HSD17B4: variants seen among roughly 807,000 people sequenced by gnomAD.
The protein encoded by HSD17B4 is hydroxysteroid 17-beta dehydrogenase 4.
In HSD17B4, 70 loss-of-function variants were observed where a neutral mutation model predicts 101.0. That is an observed-to-expected ratio of 0.69 (90% confidence interval 0.57 to 0.85). HSD17B4 has a LOEUF of 0.85. Ranked by LOEUF, HSD17B4 falls within the 40% of genes least tolerant of loss-of-function variation. The pLI, the probability that HSD17B4 is intolerant of heterozygous loss-of-function variation, is 0.00. For missense variants in HSD17B4, 984 were observed against 892.4 expected, an observed-to-expected ratio of 1.10 and a Z score of -1.31; for synonymous variants, 347 against 297.1, an observed-to-expected ratio of 1.17 and a Z score of -1.73.
At chr5:119,516,944 C>G (rs1752662249) in intron 17 of HSD17B4, among the ~76,000 whole-genome samples, 1 of 152,248 alleles carries the variant, frequency 6.6e-6, no homozygotes, top group Admixed American at 6.5e-5. Flanking sequence ...AGCGTGCTGG[C>G]AGTCCTCACA....
At position 119,457,300 on chromosome 5, in the gene HSD17B4, A is replaced by G. The variant is rs547880641; in HGVS notation, c.112+932A>G. Among the ~76,000 whole-genome samples the G allele has an allele frequency of 1.2e-4, 18 of 152,364 alleles. No homozygotes were observed. In the East Asian group the frequency reaches 3.3e-3, roughly 28 times the overall value. ...GATCTTCTAATTTCAGCTTTCTGAC[A>G]TCTTAACGAGGCAATACAGAGAGAC... is the stretch of plus-strand genomic sequence containing the variant. On this transcript the variant is annotated intron_variant, in intron 2 of 23. Transcript: ENST00000510025.
chr5:119,477,529 G>C, intron 7 of HSD17B4, 28 bp downstream of exon 7: 1 of 1,476,294 alleles, frequency 6.8e-7, no homozygotes, highest in South Asian at 1.1e-5. Context: ...TGTCAAGGGG[G>C]ATTTAAGATG....
chr5:119,502,125 A>G (rs779979707), intron 14 of HSD17B4, 33 bp downstream of exon 14: 21 of 1,348,260 alleles, frequency 1.6e-5, no homozygotes, highest in African/African-American at 8.6e-5. Context: ...CCATAATACC[A>G]TACTTTTATT....
intron 23 of HSD17B4, among the ~76,000 whole-genome samples, chr5:119,539,314 T>C (rs970392570): frequency 6.6e-6 from 1 of 151,980 alleles, no homozygotes; most frequent in Admixed American, 6.6e-5. Context: ...GAAACCATCA[T>C]TCTCAGCAAA....
intron 17 of HSD17B4, among the ~76,000 whole-genome samples, chr5:119,524,726 C>T (rs1403696566): frequency 6.6e-6 from 1 of 152,056 alleles, no homozygotes; most frequent in Non-Finnish European, 1.5e-5. Context: ...AGTTTTCTTG[C>T]AGGGTGAGCT....
At chr5:119,525,699 T>C (rs1403973313) in intron 18 of HSD17B4, 1 of 575,508 alleles carries the variant, frequency 1.7e-6, no homozygotes, top group African/African-American at 1.9e-5. Flanking sequence ...TCTCTCACAT[T>C]CTTTTCCTGT....
chr5:119,475,866 C>A lies in HSD17B4; in HGVS notation c.345C>A (p.Asp115Glu). ...CCTTTGCTAGGATAAGTGATGAAGA[C>A]TGGGGTAAGTTGTTTTTAGTATTTC... The part of the protein sequence containing the change: ...DRSFARISDE[D>E]WDIIHRVHLR... The change falls in exon 6 of 24, where the codon GAC (aspartate) becomes GAA (glutamate). Residue 115 changes from aspartate to glutamate, a missense_variant. Transcript: ENST00000510025. The A allele has an allele frequency of 6.3e-7, 1 of 1,591,896 alleles. No homozygotes were observed. Among genetic ancestry groups the A allele is most frequent in the Non-Finnish European group, 8.6e-7 (1 of 1,159,998 alleles).
chr5:119,469,049 A>G (rs1387043356), intron 2 of HSD17B4, among the ~76,000 whole-genome samples: 3 of 145,258 alleles, frequency 2.1e-5, no homozygotes, highest in African/African-American at 7.6e-5. Flanking sequence ...CACTTTATTC[A>G]TTGTATTCTT....
At chr5:119,490,149 G>A (rs1312605856) in intron 9 of HSD17B4, among the ~76,000 whole-genome samples, 1 of 151,996 alleles carries the variant, frequency 6.6e-6, no homozygotes, top group Non-Finnish European at 1.5e-5. Context: ...AAAGCTGATG[G>A]GTAAGTTAAG....
intron 22 of HSD17B4, chr5:119,535,670 T>TATA (rs1754470219): frequency 6.9e-6 from 1 of 145,628 alleles, no homozygotes; most frequent in African/African-American, 2.5e-5. Context: ...AATATATATT[T>TATA]TATATATATA....
Position 119,452,584 on chromosome 5 carries a change from A to G in HSD17B4, c.9A>G (p.Ser3=). The change falls in exon 1 of 24, where the codon TCA becomes TCG. Residue 3 remains serine (S), a synonymous_variant. Coordinates refer to ENST00000510025, the MANE Select transcript of HSD17B4 (RefSeq NM_000414.4). ...CGTTGCAGGCCTTATTCATGGGCTCACCGCTGAGGTTCGACGGGCGGGTGG... is the reference window on the plus strand; with the variant it reads ...CGTTGCAGGCCTTATTCATGGGCTCGCCGCTGAGGTTCGACGGGCGGGTGG... MG[S]PLRFDGRVVL... is the part of the protein sequence containing the mutation. 6.2e-7 allele frequency: 1 copy of G among 1,613,932 alleles called. No homozygotes were observed.
intron 14 of HSD17B4, 105 bp downstream of exon 14, chr5:119,502,197 C>T (rs138961791): frequency 7.7e-6 from 6 of 778,162 alleles, no homozygotes; most frequent in African/African-American, 3.4e-5. Flanking sequence ...CCTAATGAAA[C>T]ATATCACAAA....
intron 17 of HSD17B4, among the ~76,000 whole-genome samples, chr5:119,515,336 C>T (rs1752521902): frequency 2.0e-5 from 3 of 151,816 alleles, no homozygotes; most frequent in Admixed American, 6.6e-5. Context: ...TTGGAGAGGC[C>T]GCCCACTTTA....
intron 2 of HSD17B4, chr5:119,471,587 T>A (rs778601926): frequency 1.4e-6 from 1 of 733,188 alleles, no homozygotes; most frequent in African/African-American, 1.8e-5. Context: ...TACATTTTCA[T>A]GTATACCATT....
intron 17 of HSD17B4, among the ~76,000 whole-genome samples, chr5:119,522,480 G>T (rs3933553): frequency 0.27 from 40,368 of 151,890 alleles, 6,706 homozygotes; most frequent in East Asian, 0.4. Flanking sequence ...AAATGGTATT[G>T]CTAGTTCTAG....
At chr5:119,527,727 G>T (rs539351909) in intron 20 of HSD17B4, among the ~76,000 whole-genome samples, 2 of 152,196 alleles carry the variant, frequency 1.3e-5, no homozygotes, top group African/African-American at 4.8e-5. Context: ...ATTTTGCAGA[G>T]TTAGAGACAA....
At chr5:119,487,619 G>A (rs952131880) in intron 8 of HSD17B4, among the ~76,000 whole-genome samples, 7 of 152,074 alleles carry the variant, frequency 4.6e-5, no homozygotes, top group Non-Finnish European at 7.4e-5. Context: ...CAAGGCAGAC[G>A]TATTTTTTTG....
At chr5:119,484,325 C>T (rs532400503) in intron 8 of HSD17B4, among the ~76,000 whole-genome samples, 4 of 152,298 alleles carry the variant, frequency 2.6e-5, no homozygotes, top group East Asian at 3.9e-4. Context: ...CGACTGCTTA[C>T]ACCTGGGTCT....
At chr5:119,513,930 TTTTA>T (rs565847764) in intron 16 of HSD17B4, among the ~76,000 whole-genome samples, 153 of 152,294 alleles carry the variant, frequency 1.0e-3, no homozygotes, top group African/African-American at 3.4e-3. Flanking sequence ...AATTTTTAAT[TTTTA>T]TTTGTTTATT....
Sources: allele counts gnomAD v4.1 joint callset (sites outside exome capture counted in the v4.1 genomes callset), GRCh38; gene constraint gnomAD v4.1.1; transcripts MANE v1.5; gene names NCBI Gene and HGNC (gene_info 2026-07-23, HGNC 2026-07-21).